Variants in TASP1 observed in about 807,000 individuals in gnomAD.
TASP1 encodes threonine aspartase 1.
A neutral mutation model predicts 56.6 loss-of-function variants in TASP1; 16 were observed. That is an observed-to-expected ratio of 0.28 (90% CI 0.19 to 0.43). The LOEUF is 0.43. Among genes scored for constraint, TASP1 ranks in the 20% least tolerant of loss-of-function variants. The pLI is 1.00. For synonymous variants in TASP1, 179 were observed against 184.2 expected, an observed-to-expected ratio of 0.97 and a Z score of 0.23; for missense variants, 393 against 511.6, an observed-to-expected ratio of 0.77 and a Z score of 2.24.
At chr20:13,488,759 A>G (rs1010223099) in intron 10 of TASP1, among the ~76,000 whole-genome samples, 12 of 150,332 alleles carry the variant, frequency 8.0e-5, no homozygotes, top group African/African-American at 2.9e-4. Flanking sequence ...TCTCATTCCT[A>G]TCTTTCCAGC....
the TASP1 span, among the ~76,000 whole-genome samples, chr20:13,175,375 G>A: frequency 6.6e-6 from 1 of 152,168 alleles, no homozygotes; most frequent in Non-Finnish European, 1.5e-5. Context: ...TAATAGCTAA[G>A]CTGAAATTCT....
chr20:13,607,827 C>A (rs923140947), intron 4 of TASP1, among the ~76,000 whole-genome samples: 5 of 152,082 alleles, frequency 3.3e-5, no homozygotes, highest in African/African-American at 1.2e-4. Flanking sequence ...ATTAGCCAGG[C>A]GTGATGGCAG....
Position 13,608,162 on chromosome 20 carries a change from C to T in TASP1, c.282+15284G>A, listed in dbSNP as rs117390291. 7.1e-3 allele frequency among the ~76,000 whole-genome samples: 1,079 copies of T among 152,276 alleles called. 9 individuals are homozygous for T. Among genetic ancestry groups the T allele is most frequent in the Non-Finnish European group, 0.012 (836 of 68,030 alleles). The stretch of plus-strand genomic sequence containing the variant: ...CTTTTTCAAACTAACACTAGTAAAA[C>T]TTGTACAATATGCCTATCTTAGCTA... On this transcript the variant is annotated intron_variant, in intron 4 of 13. Coordinates refer to ENST00000337743, the MANE Select transcript of TASP1 (RefSeq NM_017714.3).
At chr20:13,272,498 G>C in the TASP1 span, among the ~76,000 whole-genome samples, 2 of 152,202 alleles carry the variant, frequency 1.3e-5, no homozygotes, top group Non-Finnish European at 2.9e-5. Context: ...AGACAGAGGA[G>C]GAAAAGCACT....
Position 13,629,960 on chromosome 20 carries a change from C to A in TASP1, c.119G>T (p.Arg40Leu). 1 of 1,613,730 alleles carries A rather than the reference C, an allele frequency of 6.2e-7. No homozygotes were observed. Among genetic ancestry groups the A allele is most frequent in the Non-Finnish European group, 8.5e-7 (1 of 1,179,886 alleles). ...TGCATGCACCAACACAAAGCCTCCT[C>A]GTTTCTCTTTATAGGACTGCTTTGT... ...LETKQSYKEK[R>L]GGFVLVHAGA... The change falls in exon 2 of 14, where the codon CGA becomes CTA. Residue 40 changes from arginine to leucine, a missense_variant. Transcript: ENST00000337743.
At chr20:13,447,410 G>C (rs1376862614) in intron 11 of TASP1, among the ~76,000 whole-genome samples, 1 of 152,038 alleles carries the variant, frequency 6.6e-6, no homozygotes, top group Non-Finnish European at 1.5e-5. Context: ...CTTCCTTACA[G>C]TAAGGCAACC....
chr20:13,378,829 G>A, the TASP1 span, among the ~76,000 whole-genome samples: 2 of 152,124 alleles, frequency 1.3e-5, no homozygotes, highest in African/African-American at 4.8e-5. Context: ...ATTATGTAAT[G>A]CCTTTCTTTG....
At chr20:13,589,267 C>T (rs1369103618) in intron 4 of TASP1, among the ~76,000 whole-genome samples, 1 of 151,960 alleles carries the variant, frequency 6.6e-6, no homozygotes, top group East Asian at 1.9e-4. Context: ...ACCGTGTTAG[C>T]CAGGATGGTC....
chr20:13,189,200 T>A, the TASP1 span, among the ~76,000 whole-genome samples: 758 of 152,272 alleles, frequency 5.0e-3, 2 homozygotes, highest in African/African-American at 0.017. Flanking sequence ...ACTATAAGAA[T>A]CCTAAAAGAA....
At chr20:13,217,155 T>C in the TASP1 span, among the ~76,000 whole-genome samples, 32,745 of 152,164 alleles carry the variant, frequency 0.22, 3,887 homozygotes, top group Non-Finnish European at 0.27. Flanking sequence ...CCTTACCTTT[T>C]TGAGATGCAT....
intron 1 of TASP1, among the ~76,000 whole-genome samples, chr20:13,637,135 C>T (rs2049338850): frequency 2.0e-5 from 3 of 152,100 alleles, no homozygotes; most frequent in Non-Finnish European, 4.4e-5. Flanking sequence ...TCAATAAGCA[C>T]ATTAAAAGAT....
chr20:13,582,009 G>C (rs1247517905), intron 5 of TASP1, among the ~76,000 whole-genome samples: 1 of 151,450 alleles, frequency 6.6e-6, no homozygotes, highest in African/African-American at 2.4e-5. Context: ...CAAATCATCA[G>C]TGGAATATAT....
At chr20:13,361,074 TC>T in the TASP1 span, among the ~76,000 whole-genome samples, 1 of 152,080 alleles carries the variant, frequency 6.6e-6, no homozygotes, top group Non-Finnish European at 1.5e-5. Flanking sequence ...TTCTCAGTGT[TC>T]CATCTGCTAT....
At chr20:13,234,965 T>G in the TASP1 span, among the ~76,000 whole-genome samples, 1 of 152,230 alleles carries the variant, frequency 6.6e-6, no homozygotes, top group Admixed American at 6.5e-5. Flanking sequence ...AGGTCATGGT[T>G]TGAGAAACAC....
At chr20:13,421,048 C>A (rs1334104827) in intron 12 of TASP1, among the ~76,000 whole-genome samples, 1 of 150,404 alleles carries the variant, frequency 6.6e-6, no homozygotes, top group East Asian at 1.9e-4. Context: ...CCAGAGACCA[C>A]AAAAGATGGC....
chr20:13,484,477 G>A (rs1192203799), intron 10 of TASP1, among the ~76,000 whole-genome samples: 1 of 152,120 alleles, frequency 6.6e-6, no homozygotes, highest in Non-Finnish European at 1.5e-5. Flanking sequence ...GCTCACGCCT[G>A]TAATCCCAAC....
At chr20:13,129,238 G>C in the TASP1 span, among the ~76,000 whole-genome samples, 1 of 152,142 alleles carries the variant, frequency 6.6e-6, no homozygotes, top group Non-Finnish European at 1.5e-5. Flanking sequence ...CTGGCCTCAA[G>C]TGATTTGCCC....
At position 13,607,682 on chromosome 20, in the gene TASP1, A is replaced by G. The variant is rs142897967; in HGVS notation, c.282+15764T>C. Among the ~76,000 whole-genome samples, 543 of 152,340 alleles carry G rather than the reference A, an allele frequency of 3.6e-3. 3 individuals are homozygous for G. The highest frequency in any genetic ancestry group is 0.012 in the African/African-American group (512 of 41,580). ...GCTCAAGTGCAAATTCAACAAACACATCATTAGATACATGAAATAAAGTAG... is the reference window on the plus strand; with the variant it reads ...GCTCAAGTGCAAATTCAACAAACACGTCATTAGATACATGAAATAAAGTAG... On this transcript the variant is annotated intron_variant, in intron 4 of 13. Transcript: ENST00000337743.
At chr20:13,324,475 T>A in the TASP1 span, among the ~76,000 whole-genome samples, 1 of 152,182 alleles carries the variant, frequency 6.6e-6, no homozygotes, top group Admixed American at 6.5e-5. Context: ...GGGTGTAGAA[T>A]TTAAATTTAC....
Sources: allele counts gnomAD v4.1 joint callset (sites outside exome capture counted in the v4.1 genomes callset), GRCh38; gene constraint gnomAD v4.1.1; transcripts MANE v1.5; gene names NCBI Gene and HGNC (gene_info 2026-07-23, HGNC 2026-07-21).